Variants in CUL4B observed in about 807,000 individuals in gnomAD.
CUL4B encodes the protein cullin-4B.
CUL4B carries 1 observed loss-of-function variant against 69.2 expected under a neutral mutation model. That is an observed-to-expected ratio of 0.01 (90% CI 0.01 to 0.07). CUL4B has a LOEUF of 0.07. CUL4B is among the 10% of genes least tolerant of loss of function. CUL4B has a pLI of 1.00. For missense variants in CUL4B, 328 were observed against 638.8 expected (o/e 0.51, Z 5.24); for synonymous variants, 237 against 223.2 (o/e 1.06, Z -0.55).
intron 11 of CUL4B, among the ~76,000 whole-genome samples, chrX:120,539,797 G>A (rs1473383433): frequency 1.8e-5 from 2 of 111,972 alleles, no homozygotes; most frequent in African/African-American, 3.2e-5. Context: ...CAGATACATC[G>A]TAGAGTAGAA....
intron 14 of CUL4B, 145 bp downstream of exon 14, chrX:120,537,979 A>ATT: frequency 2.4e-6 from 1 of 425,047 alleles, no homozygotes; most frequent in Non-Finnish European, 4.0e-6. Flanking sequence ...TATTTCACCA[A>ATT]TTTTTTTTTC....
Position 120,530,200 on chromosome X carries a change from T to TTTGTC in CUL4B, c.2493_2494insGACAA (p.Ile832AspfsTer11), listed in dbSNP as rs1384899247. 8.3e-7 allele frequency: 1 copy of TTTGTC among 1,208,391 alleles called. No homozygotes were observed. The highest frequency in any genetic ancestry group is 1.7e-5 in the African/African-American group (1 of 57,787). ...ATAATTCGAACAATTGCAGCATCAA[T>TTTGTC]TTGATACTGTCTGTCTTGAAATACT... is the stretch of plus-strand genomic sequence containing the variant. On this transcript the variant is annotated frameshift_variant, in exon 19 of 20. Coordinates refer to ENST00000371322, the MANE Select transcript of CUL4B (RefSeq NM_001079872.2). LOFTEE classifies it high-confidence loss of function.
chrX:120,543,768 T>C lies in CUL4B; in HGVS notation c.1215A>G (p.Glu405=). 1 of 1,204,463 alleles carries C rather than the reference T, an allele frequency of 8.3e-7. No homozygotes were observed. The highest frequency in any genetic ancestry group is 1.1e-6 in the Non-Finnish European group (1 of 888,922). Residue 405 remains glutamate (E), a synonymous_variant, in exon 8 of 20, where the codon GAA becomes GAG. Transcript: ENST00000371322. ...AGTAAGTAATAAGTCTGTCTGCTTCTTCTTCTAGACGTTTGTTAACATGAT... is the reference window on the plus strand; with the variant it reads ...AGTAAGTAATAAGTCTGTCTGCTTCCTCTTCTAGACGTTTGTTAACATGAT... The part of the protein sequence containing the change: ...YLHHVNKRLE[E]EADRLITYLD...
At chrX:120,565,886 C>T (rs1302159410), upstream of CUL4B, among the ~76,000 whole-genome samples, 1 of 104,842 alleles carries the variant, frequency 9.5e-6, no homozygotes, top group Non-Finnish European at 2.0e-5. Flanking sequence ...CCACCACGCC[C>T]AGCTAATTTT....
At chrX:120,569,485 G>A (rs990045377), downstream of CUL4B, among the ~76,000 whole-genome samples, 9 of 108,285 alleles carry the variant, frequency 8.3e-5, no homozygotes, top group Non-Finnish European at 1.7e-4. Flanking sequence ...CTCAGCCTCC[G>A]GAGTAGCTGG....
At chrX:120,557,355 T>C (rs1925040635) in intron 2 of CUL4B, among the ~76,000 whole-genome samples, 1 of 111,685 alleles carries the variant, frequency 9.0e-6, no homozygotes, top group African/African-American at 3.3e-5. Flanking sequence ...TATTTAAGTG[T>C]AAGGACCCAT....
At chrX:120,533,687 T>A (rs914716537) in intron 17 of CUL4B, among the ~76,000 whole-genome samples, 1 of 111,883 alleles carries the variant, frequency 8.9e-6, no homozygotes, top group Non-Finnish European at 1.9e-5. Context: ...GTTGCACTCT[T>A]ACCACACTTA....
At position 120,538,776 on chromosome X, in the gene CUL4B, T is replaced by C; in HGVS notation, c.1742-6A>G. The C allele has an allele frequency of 8.9e-7, 1 of 1,129,444 alleles. No homozygotes were observed. Among genetic ancestry groups the C allele is most frequent in the Non-Finnish European group, 1.2e-6 (1 of 823,012 alleles). The allele number at this position is 1,129,444 out of a possible 1,213,427, so 93.1% of individuals were successfully genotyped here. On this transcript the variant is annotated splice_region_variant and splice_polypyrimidine_tract_variant and intron_variant, in intron 12 of 19. Transcript: ENST00000371322. ...GGCCTCAAAAACATCCTTGCCTATG[T>C]AAAAAGAAATGCAAAATTTATAATA...
upstream of CUL4B, chrX:120,561,551 A>AG (rs1282881287): frequency 2.6e-3 from 3 of 1,156 alleles, no homozygotes; most frequent in African/African-American, 0.011. Flanking sequence ...TCTGAAGGCG[A>AG]GGGGGTGGGG....
chrX:120,566,369 A>ATATATATATATATG (rs1925536878), upstream of CUL4B, among the ~76,000 whole-genome samples: 7 of 56,465 alleles, frequency 1.2e-4, no homozygotes, highest in African/African-American at 3.7e-4. Context: ...ATATATATAT[A>ATATATATATATATG]TATATATATA....
intron 2 of CUL4B, among the ~76,000 whole-genome samples, chrX:120,554,770 T>A (rs1382658736): frequency 8.9e-6 from 1 of 112,327 alleles, no homozygotes; most frequent in African/African-American, 3.2e-5. Flanking sequence ...ATTTCCACAT[T>A]ATTTCAATTT....
At chrX:120,563,816 A>G (rs754725082), upstream of CUL4B, among the ~76,000 whole-genome samples, 3 of 112,385 alleles carry the variant, frequency 2.7e-5, no homozygotes, top group Non-Finnish European at 5.6e-5. Context: ...AATTACAAAT[A>G]TTAGTGCAAC....
exon 3 of CUL4B, chrX:120,571,488 G>C (rs979832907): frequency 9.0e-6 from 1 of 111,190 alleles, no homozygotes; most frequent in South Asian, 3.8e-4. Context: ...CTCCAACCTG[G>C]TGGAAGAATG....
chrX:120,561,111 C>A (rs1925275851), upstream of CUL4B: 1 of 1,029,419 alleles, frequency 9.7e-7, no homozygotes, highest in East Asian at 4.0e-5. Flanking sequence ...TCACGCGGCG[C>A]CGAGGGAGGG....
At chrX:120,542,473 T>A (rs1010041557) in intron 9 of CUL4B, among the ~76,000 whole-genome samples, 1 of 112,054 alleles carries the variant, frequency 8.9e-6, no homozygotes, top group Non-Finnish European at 1.9e-5. Flanking sequence ...TAGGGTATAC[T>A]CTAAATTCAC....
intron 19 of CUL4B, among the ~76,000 whole-genome samples, chrX:120,528,132 TGTG>T (rs1237880016): frequency 9.0e-6 from 1 of 111,509 alleles, no homozygotes; most frequent in Non-Finnish European, 1.9e-5. Flanking sequence ...TTAGACCGGG[TGTG>T]GTGGCTCATG....
At chrX:120,563,192 G>A (rs1283073480), upstream of CUL4B, among the ~76,000 whole-genome samples, 2 of 111,863 alleles carry the variant, frequency 1.8e-5, no homozygotes, top group Non-Finnish European at 3.8e-5. Flanking sequence ...GGAGACAGAT[G>A]GAAGCACTCC....
chrX:120,567,032 C>T (rs779455069), downstream of CUL4B, among the ~76,000 whole-genome samples: 2 of 110,854 alleles, frequency 1.8e-5, no homozygotes, highest in East Asian at 5.7e-4. Flanking sequence ...ATCGATGTCT[C>T]TCAAAGTCCC....
chrX:120,539,206 G>C (rs1923844440), intron 12 of CUL4B, 62 bp downstream of exon 12: 1 of 619,613 alleles, frequency 1.6e-6, no homozygotes, highest in Admixed American at 3.4e-5. Context: ...GAATATACTT[G>C]CTAGCTTCTC....
Sources: gnomAD v4.1 joint callset for allele counts (sites outside exome capture counted in the v4.1 genomes callset) on GRCh38, gnomAD v4.1.1 for gene constraint, MANE v1.5 for transcripts, NCBI Gene and HGNC (gene_info 2026-07-23, HGNC 2026-07-21) for gene names.